The following NAPG variants were observed in gnomAD, a reference collection of about 807,000 sequenced individuals.
NAPG encodes the protein NSF attachment protein gamma, also known as gamma-soluble NSF attachment protein.
NAPG carries 25 observed loss-of-function variants against 48.4 expected under a neutral mutation model. That is an observed-to-expected ratio of 0.52 (90% CI 0.38 to 0.72). The LOEUF is 0.72. NAPG is among the 30% of genes least tolerant of loss of function. The pLI is 0.00. For missense variants in NAPG, 359 were observed against 372.5 expected, an observed-to-expected ratio of 0.96 and a Z score of 0.30; for synonymous variants, 139 against 127.2, an observed-to-expected ratio of 1.09 and a Z score of -0.62.
intron 8 of NAPG, among the ~76,000 whole-genome samples, chr18:10,545,888 G>A (rs2032252907): frequency 6.6e-6 from 1 of 152,260 alleles, no homozygotes; most frequent in Non-Finnish European, 1.5e-5. Flanking sequence ...GGCCACTGGG[G>A]CAGCAGCGGA....
chr18:10,533,876 T>G (rs1472573884), intron 4 of NAPG, among the ~76,000 whole-genome samples: 1 of 152,180 alleles, frequency 6.6e-6, no homozygotes, highest in Admixed American at 6.5e-5. Context: ...CAGGAAGCTT[T>G]CTCTTGCCTT....
At position 10,534,565 on chromosome 18, in the gene NAPG, T is replaced by G; in HGVS notation, c.258+69T>G. 1 of 1,509,994 alleles carries G rather than the reference T, an allele frequency of 6.6e-7. No individual in the cohort carries two copies. Among genetic ancestry groups the G allele is most frequent in the Non-Finnish European group, 9.2e-7 (1 of 1,087,708 alleles). 93.5% of individuals were successfully genotyped at this position (1,509,994 alleles called of 1,614,324 possible). ...TAACTACAAGGTGTTAAACAAGAAT[T>G]TTTGTTGAAGTTGAAAAGCTTCCTT... On this transcript the variant is annotated intron_variant, in intron 5 of 11. Coordinates refer to ENST00000322897, the MANE Select transcript of NAPG (RefSeq NM_003826.3). This position sits in a 1 kb window ranked among gnomAD's most constrained non-coding sequence, Gnocchi z 5.0.
chr18:10,549,497 G>A (rs546865), intron 11 of NAPG, among the ~76,000 whole-genome samples: 147,848 of 152,312 alleles, frequency 0.97, 71,791 homozygotes, highest in East Asian at 1. Flanking sequence ...AGGACTAGCT[G>A]TGTGTTGCAG....
chr18:10,542,459 A>G lies in NAPG; in HGVS notation c.506+2060A>G, dbSNP rs1465091141. Among the ~76,000 whole-genome samples, 4 of 152,200 alleles carry G rather than the reference A, an allele frequency of 2.6e-5. No homozygotes were observed. The highest frequency in any genetic ancestry group is 9.6e-5 in the African/African-American group (4 of 41,458). ...CTTCTATTGGGAACTTAAATAGTGC[A>G]GGATAAGAAAAAACATGCAGTGTTT... On this transcript the variant is annotated intron_variant, in intron 8 of 11. Coordinates refer to ENST00000322897, the MANE Select transcript of NAPG (RefSeq NM_003826.3). The surrounding 1 kb of genome is among the most constrained non-coding windows in gnomAD (Gnocchi z 4.5).
Position 10,539,173 on chromosome 18 carries a change from TCATTC to T in NAPG, c.259-588_259-584del, listed in dbSNP as rs1344026180. 1 of 152,304 alleles carries T rather than the reference TCATTC, an allele frequency of 6.6e-6. No individual in the cohort carries two copies. Among genetic ancestry groups the T allele is most frequent in the Non-Finnish European group, 1.5e-5 (1 of 68,110 alleles). The allele number at this position is 152,304 out of a possible 1,614,324, so 9.4% of individuals were successfully genotyped here. A position where few individuals can be genotyped will look rare whatever the true frequency, so the allele number is the denominator to read the frequency against. On this transcript the variant is annotated intron_variant, in intron 5 of 11. Transcript: ENST00000322897. This position sits in a 1 kb window ranked among gnomAD's most constrained non-coding sequence, Gnocchi z 4.7. ...GGGCATATGCCCAAAGGAACATAAA[TCATTC>T]TATAGAAACGTATGTTTATACAGTA...
chr18:10,549,702 G>A (rs1332716791), intron 11 of NAPG, among the ~76,000 whole-genome samples: 1 of 152,146 alleles, frequency 6.6e-6, no homozygotes, highest in Admixed American at 6.5e-5. Context: ...AGATTTGTAA[G>A]TACCTGTTTG....
intron 3 of NAPG, chr18:10,533,315 G>T: frequency 2.4e-6 from 1 of 420,074 alleles, no homozygotes; most frequent in Non-Finnish European, 4.2e-6. Context: ...AATAGAAATA[G>T]TTTAAAATCT....
rs761901743 is a variant in NAPG at position 10,548,282 on chromosome 18, C to T, written c.586-17C>T. 1.3e-5 allele frequency: 21 copies of T among 1,586,992 alleles called. No homozygotes were observed. In the East Asian group the frequency reaches 3.8e-4, roughly 29 times the overall value. On this transcript the variant is annotated splice_polypyrimidine_tract_variant and intron_variant, in intron 9 of 11. Coordinates refer to ENST00000322897, the MANE Select transcript of NAPG (RefSeq NM_003826.3). This position sits in a 1 kb window ranked among gnomAD's most constrained non-coding sequence, Gnocchi z 4.4. ...AAACAGATGTAAATTTGACCATGAT[C>T]CTCTCTTTTGTTTTAGAAAACAATT...
At chr18:10,538,086 TTTAAG>T (rs2032071954) in intron 5 of NAPG, among the ~76,000 whole-genome samples, 1 of 151,920 alleles carries the variant, frequency 6.6e-6, no homozygotes, top group African/African-American at 2.4e-5. Flanking sequence ...GGTGTTTTTT[TTTAAG>T]TTTATTTTTA....
rs756804159 is a variant in NAPG, at chr18:10,546,357, GA to G, written c.545del (p.Asn182IlefsTer21). On this transcript the variant is annotated frameshift_variant, in exon 9 of 12. Transcript: ENST00000322897. LOFTEE classifies it high-confidence loss of function. This position sits in a 1 kb window ranked among gnomAD's most constrained non-coding sequence, Gnocchi z 4.0. ...FDEAALSIQK[E>X]KNIYKEIENY... ...TGAGGCGGCACTCTCTATTCAGAAA[GA>G]AAAAAATATTTATAAGGAAATTGAG... is the stretch of plus-strand genomic sequence containing the variant. The G allele has an allele frequency of 5.1e-6, 8 of 1,579,662 alleles. No homozygotes were observed. The highest frequency in any genetic ancestry group is 3.5e-5 in the South Asian group (3 of 86,538).
At chr18:10,538,821 C>G (rs2032088013) in intron 5 of NAPG, among the ~76,000 whole-genome samples, 3 of 150,510 alleles carry the variant, frequency 2.0e-5, no homozygotes, top group Non-Finnish European at 4.4e-5. Flanking sequence ...ATCCTTTGCC[C>G]ACTTTTTGAT....
At position 10,536,731 on chromosome 18, in the gene NAPG, C is replaced by G. The variant is rs188493910; in HGVS notation, c.258+2235C>G. Among the ~76,000 whole-genome samples the G allele has an allele frequency of 2.6e-5, 4 of 152,260 alleles. No individual in the cohort carries two copies. In the East Asian group the frequency reaches 7.7e-4, roughly 29 times the overall value. Reference sequence around the variant, plus strand: ...ACTGCCTTCTAATGTATTTTTTGCTCTATCTACTGGGTAAAACTCATGACG... The same window carrying G: ...ACTGCCTTCTAATGTATTTTTTGCTGTATCTACTGGGTAAAACTCATGACG... On this transcript the variant is annotated intron_variant, in intron 5 of 11. Transcript: ENST00000322897.
At chr18:10,532,907 A>T (rs1258629066) in intron 3 of NAPG, 112 bp downstream of exon 3, 3 of 914,128 alleles carry the variant, frequency 3.3e-6, no homozygotes, top group Non-Finnish European at 4.9e-6. Context: ...TTTTTAAATT[A>T]GAAAATGATT....
Position 10,550,222 on chromosome 18 carries a change from A to T in NAPG, c.*2A>T. 6.4e-7 allele frequency: 1 copy of T among 1,566,862 alleles called. No individual in the cohort carries two copies. The highest frequency in any genetic ancestry group is 8.6e-7 in the Non-Finnish European group (1 of 1,161,248). Reference sequence around the variant, plus strand: ...GAATACTCAGGAGGACTATGCTAGTATTTTGCTTGCTGAAAAGAAAAGGGA... The same window carrying T: ...GAATACTCAGGAGGACTATGCTAGTTTTTTGCTTGCTGAAAAGAAAAGGGA... On this transcript the variant is annotated 3_prime_UTR_variant, in exon 12 of 12. Transcript: ENST00000322897.
intron 1 of NAPG, chr18:10,526,381 G>T (rs2031810507): frequency 5.4e-6 from 3 of 552,814 alleles, no homozygotes; most frequent in African/African-American, 2.0e-5. Flanking sequence ...CACCCCGCCG[G>T]AAGTCCGCTC....
chr18:10,537,773 G>A (rs557664325), intron 5 of NAPG, among the ~76,000 whole-genome samples: 38 of 152,216 alleles, frequency 2.5e-4, no homozygotes, highest in Admixed American at 7.8e-4. Context: ...TTTCACTGAG[G>A]TTTGGAAATG....
intron 1 of NAPG, among the ~76,000 whole-genome samples, chr18:10,530,188 C>CTTTTTTTTTT (rs58597079): frequency 5.9e-5 from 4 of 67,320 alleles, no homozygotes; most frequent in Non-Finnish European, 1.1e-4. Flanking sequence ...CGAGTTTTCA[C>CTTTTTTTTTT]TTTTTTTTTT....
At chr18:10,536,624 C>T (rs1174101585) in intron 5 of NAPG, among the ~76,000 whole-genome samples, 1 of 152,216 alleles carries the variant, frequency 6.6e-6, no homozygotes, top group Non-Finnish European at 1.5e-5. Context: ...CTCTTACTCA[C>T]AGCCTCACTT....
chr18:10,549,197 C>T lies in NAPG; in HGVS notation c.795+101C>T, dbSNP rs1395391330. The T allele has an allele frequency of 2.2e-6, 3 of 1,389,018 alleles. No homozygotes were observed. In the African/African-American group the frequency reaches 4.3e-5, roughly 20 times the overall value. 86.0% of individuals were successfully genotyped at this position (1,389,018 alleles called of 1,614,324 possible). A position where few individuals can be genotyped will look rare whatever the true frequency, so the allele number is the denominator to read the frequency against. ...CATGTACTTAAGAGATTTTTTCCTACCTCTTTTTTTCTTCTCAAGCTACTA... is the reference window on the plus strand; with the variant it reads ...CATGTACTTAAGAGATTTTTTCCTATCTCTTTTTTTCTTCTCAAGCTACTA... On this transcript the variant is annotated intron_variant, in intron 11 of 11. Coordinates refer to ENST00000322897, the MANE Select transcript of NAPG (RefSeq NM_003826.3).
Sources: gnomAD v4.1 joint callset for allele counts (sites outside exome capture counted in the v4.1 genomes callset) on GRCh38, gnomAD v4.1.1 for gene constraint, Gnocchi (gnomAD v3.1) non-coding constraint, MANE v1.5 for transcripts, NCBI Gene and HGNC (gene_info 2026-07-23, HGNC 2026-07-21) for gene names.